The following INVS variants were observed in gnomAD, a reference collection of about 807,000 sequenced individuals.
The protein encoded by INVS is inversin, also known as inversion of embryo turning homolog.
A neutral mutation model predicts 108.8 loss-of-function variants in INVS; 86 were observed. That is an observed-to-expected ratio of 0.79 (90% CI 0.66 to 0.95). The LOEUF is 0.95. Among genes scored for constraint, INVS ranks in the 40% least tolerant of loss-of-function variants. The pLI, the probability that INVS is intolerant of heterozygous loss-of-function variation, is 0.00. For synonymous variants in INVS, 455 were observed against 473.5 expected, an observed-to-expected ratio of 0.96 and a Z score of 0.51; for missense variants, 1,169 against 1,297.4, an observed-to-expected ratio of 0.90 and a Z score of 1.52.
At chr9:100,186,014 T>C (rs1302862947) in intron 3 of INVS, among the ~76,000 whole-genome samples, 1 of 152,222 alleles carries the variant, frequency 6.6e-6, no homozygotes, top group Non-Finnish European at 1.5e-5. Context: ...TACATATGCA[T>C]GCAGATGTCT....
chr9:100,153,956 A>G (rs1828886165), intron 3 of INVS, among the ~76,000 whole-genome samples: 1 of 152,226 alleles, frequency 6.6e-6, no homozygotes, highest in Non-Finnish European at 1.5e-5. Context: ...TTTTGGAGGG[A>G]CATTCAAACC....
At chr9:100,265,675 G>A (rs1832768831) in intron 11 of INVS, among the ~76,000 whole-genome samples, 1 of 152,192 alleles carries the variant, frequency 6.6e-6, no homozygotes, top group Non-Finnish European at 1.5e-5. Context: ...AACATAAGGA[G>A]AAGCTAAGAT....
chr9:100,256,089 G>A (rs1367239321), intron 10 of INVS, among the ~76,000 whole-genome samples: 9 of 152,076 alleles, frequency 5.9e-5, no homozygotes, highest in South Asian at 2.1e-4. Flanking sequence ...TCTCAATTTC[G>A]GAGCCTGTTA....
intron 12 of INVS, among the ~76,000 whole-genome samples, chr9:100,273,958 T>TA (rs1180465946): frequency 6.6e-6 from 1 of 152,156 alleles, no homozygotes; most frequent in South Asian, 2.1e-4. Flanking sequence ...AAATGGCAAC[T>TA]AAAAAAGCAA....
At position 100,301,535 on chromosome 9, in the gene INVS, G is replaced by T. The variant is rs1390823489; in HGVS notation, c.*861G>T. Among the ~76,000 whole-genome samples, 1 of 152,192 alleles carries T rather than the reference G, an allele frequency of 6.6e-6. No individual in the cohort carries two copies. The highest frequency in any genetic ancestry group is 1.5e-5 in the Non-Finnish European group (1 of 68,044). On this transcript the variant is annotated 3_prime_UTR_variant, in exon 17 of 17. Coordinates refer to ENST00000262457, the MANE Select transcript of INVS (RefSeq NM_014425.5). ...GCAATCTTCTTAAAATGCCATTTCT[G>T]TTGGCAGGGAAGAATGAAACGGCAC...
intron 6 of INVS, among the ~76,000 whole-genome samples, chr9:100,240,784 G>A (rs1245984686): frequency 6.6e-6 from 1 of 151,948 alleles, no homozygotes; most frequent in East Asian, 1.9e-4. Context: ...TAAATAATCA[G>A]GTCTTTTTTT....
chr9:100,209,662 C>T (rs1474742763), intron 3 of INVS, among the ~76,000 whole-genome samples: 3 of 149,706 alleles, frequency 2.0e-5, no homozygotes, highest in Non-Finnish European at 4.4e-5. Context: ...CCCAGCTACT[C>T]AGGAGGCTGA....
chr9:100,157,717 A>C (rs1483546558), intron 3 of INVS, among the ~76,000 whole-genome samples: 1 of 152,194 alleles, frequency 6.6e-6, no homozygotes, highest in Non-Finnish European at 1.5e-5. Context: ...TTTGAGCCAG[A>C]CTTTCCTGCC....
chr9:100,293,066 C>T lies in INVS; in HGVS notation c.2786+23C>T, dbSNP rs373686474. On this transcript the variant is annotated intron_variant, in intron 14 of 16. Transcript: ENST00000262457. ...AAGGTAGGAAAATGGGGTGCTGCCG[C>T]ATCTGTGGTTCTTTGTTACTGATAT... 21 of 1,582,210 alleles carry T rather than the reference C, an allele frequency of 1.3e-5. No individual in the cohort carries two copies. The African/African-American group carries it at 2.6e-4, about 19-fold the overall frequency.
intron 16 of INVS, among the ~76,000 whole-genome samples, chr9:100,299,635 G>C (rs1229019766): frequency 8.3e-5 from 11 of 132,260 alleles, no homozygotes; most frequent in South Asian, 2.5e-4. Context: ...GCCTTTTATT[G>C]ACACACACAC....
At chr9:100,105,850 C>CTTTTTTTTTTTT (rs543070811) in intron 2 of INVS, among the ~76,000 whole-genome samples, 56 of 63,824 alleles carry the variant, frequency 8.8e-4, no homozygotes, top group Non-Finnish European at 1.1e-3. Context: ...GAAAAATTCC[C>CTTTTTTTTTTTT]TTTTTTTTTT....
chr9:100,182,512 C>A (rs749839557), intron 3 of INVS, among the ~76,000 whole-genome samples: 5 of 152,032 alleles, frequency 3.3e-5, no homozygotes, highest in African/African-American at 4.8e-5. Context: ...TTGCGGCCAA[C>A]AAACACATGA....
chr9:100,299,441 T>C (rs1021431223), intron 16 of INVS, among the ~76,000 whole-genome samples: 7 of 151,822 alleles, frequency 4.6e-5, no homozygotes, highest in African/African-American at 1.7e-4. Context: ...CCTTGGGCTG[T>C]TTCTCCACAT....
At position 100,121,149 on chromosome 9, in the gene INVS, A is replaced by G. The variant is rs190193784; in HGVS notation, c.107-5234A>G. Reference sequence around the variant, plus strand: ...GTCTCTGCTGCTTCAAATCTCTACAATTTCTACCTCGGACCTCTAGACACT... The same window carrying G: ...GTCTCTGCTGCTTCAAATCTCTACAGTTTCTACCTCGGACCTCTAGACACT... On this transcript the variant is annotated intron_variant, in intron 2 of 16. Transcript: ENST00000262457. Among the ~76,000 whole-genome samples the G allele has an allele frequency of 3.8e-3, 573 of 152,244 alleles. 4 individuals are homozygous for G. The highest frequency in any genetic ancestry group is 4.1e-3 in the Non-Finnish European group (276 of 68,010).
intron 3 of INVS, among the ~76,000 whole-genome samples, chr9:100,132,576 T>C (rs186339625): frequency 1.3e-5 from 2 of 152,336 alleles, no homozygotes; most frequent in Admixed American, 1.3e-4. Context: ...ATCAATATTA[T>C]TGCTATTAGT....
At chr9:100,153,396 A>G (rs1564135091) in intron 3 of INVS, among the ~76,000 whole-genome samples, 1 of 152,310 alleles carries the variant, frequency 6.6e-6, no homozygotes, top group East Asian at 1.9e-4. Context: ...GTATATCTAG[A>G]TAGTTCACAG....
chr9:100,300,407 T>A (rs182263641), intron 16 of INVS, among the ~76,000 whole-genome samples, 161 bp from the exon 17 acceptor site: 2 of 152,296 alleles, frequency 1.3e-5, no homozygotes, highest in Admixed American at 1.3e-4. Flanking sequence ...CTGCAGGAAA[T>A]ATAAAGCTAT....
intron 3 of INVS, among the ~76,000 whole-genome samples, chr9:100,157,108 C>CAGGGT (rs1269268660): frequency 6.6e-6 from 1 of 150,782 alleles, no homozygotes; most frequent in Non-Finnish European, 1.5e-5. Flanking sequence ...GAAAGATCTC[C>CAGGGT]AGGGTATACT....
chr9:100,114,940 G>A (rs113635425), intron 2 of INVS, among the ~76,000 whole-genome samples: 5 of 152,140 alleles, frequency 3.3e-5, no homozygotes, highest in African/African-American at 1.2e-4. Flanking sequence ...AAACTTTCAT[G>A]CTTTTATTTC....
Sources: gnomAD v4.1 joint callset for allele counts (sites outside exome capture counted in the v4.1 genomes callset) on GRCh38, gnomAD v4.1.1 for gene constraint, MANE v1.5 for transcripts, NCBI Gene and HGNC (gene_info 2026-07-23, HGNC 2026-07-21) for gene names.